The following DNAH17 variants were observed in gnomAD, a reference collection of about 807,000 sequenced individuals.
DNAH17 encodes axonemal beta dynein heavy chain 17.
Under a neutral mutation model 485.6 loss-of-function variants are expected in DNAH17, and 376 were observed. The ratio of observed to expected loss-of-function variants is 0.77; its 90% CI spans 0.71 to 0.84. The LOEUF is 0.84. DNAH17 is among the 40% of genes least tolerant of loss of function. The probability of loss-of-function intolerance (pLI) is 0.00; values close to 1 mark genes in which losing one functional copy is unlikely to be tolerated. For synonymous variants in DNAH17, 3,031 were observed against 2,405.9 expected (o/e 1.26, Z -7.60); for missense variants, 6,370 against 5,839.3 (o/e 1.09, Z -2.96).
rs150313941 is a variant in DNAH17 at position 78,484,175 on chromosome 17, G to A, written c.7649+693C>T. Among the ~76,000 whole-genome samples, 7 of 143,884 alleles carry A rather than the reference G, an allele frequency of 4.9e-5. No individual in the cohort carries two copies. In the East Asian group the frequency reaches 1.3e-3, roughly 26 times the overall value. The allele number at this position is 143,884 out of a possible 152,430, so 94.4% of individuals were successfully genotyped here. A position where few individuals can be genotyped will look rare whatever the true frequency, so the allele number is the denominator to read the frequency against. ...CTTTCCAAACTGCAAACCTAAACGT[G>A]CCACCTTTGGTTTCTCGGTGCCGTT... On this transcript the variant is annotated intron_variant, in intron 48 of 80. Coordinates refer to ENST00000389840, the MANE Select transcript of DNAH17 (RefSeq NM_173628.4).
intron 17 of DNAH17, 70 bp from the exon 18 acceptor site, chr17:78,539,950 TGCCTCTCTGGACC>T (rs1414223417): frequency 7.6e-6 from 11 of 1,450,746 alleles, no homozygotes; most frequent in Non-Finnish European, 1.0e-5. Flanking sequence ...CACTGTTTAG[TGCCTCTCTGGACC>T]GCCCGTCCAT....
intron 38 of DNAH17, 80 bp downstream of exon 38, chr17:78,495,795 C>T: frequency 6.6e-7 from 1 of 1,521,574 alleles, no homozygotes; most frequent in Non-Finnish European, 8.9e-7. Context: ...CCCCTCCCCT[C>T]TGCCCACTCC....
chr17:78,533,523 C>T (rs1046742361), intron 19 of DNAH17, among the ~76,000 whole-genome samples: 3 of 152,250 alleles, frequency 2.0e-5, no homozygotes, highest in Admixed American at 1.3e-4. Flanking sequence ...GCACGAGAGG[C>T]CAGTGCTATA....
At chr17:78,564,712 C>T (rs555414194) in intron 11 of DNAH17, among the ~76,000 whole-genome samples, 4 of 152,314 alleles carry the variant, frequency 2.6e-5, no homozygotes, top group Non-Finnish European at 4.4e-5. Context: ...TACTCAGAAG[C>T]GCCTGCCCTG....
intron 44 of DNAH17, among the ~76,000 whole-genome samples, chr17:78,488,715 C>G (rs114666289): frequency 0.016 from 2,423 of 152,254 alleles, 58 homozygotes; most frequent in African/African-American, 0.056. Flanking sequence ...CAGATGTCAT[C>G]AAGGATCTTG....
At chr17:78,424,915 C>A in intron 80 of DNAH17, 1 of 161,096 alleles carries the variant, frequency 6.2e-6, no homozygotes, top group Non-Finnish European at 1.4e-5. Context: ...CCCTGTGTTC[C>A]AGGAGTGGCA....
At chr17:78,472,087 C>A (rs901383013) in intron 54 of DNAH17, among the ~76,000 whole-genome samples, 1 of 152,200 alleles carries the variant, frequency 6.6e-6, no homozygotes, top group Non-Finnish European at 1.5e-5. Flanking sequence ...CGTCTAGGGA[C>A]CAGCCATTAA....
Position 78,490,721 on chromosome 17 carries a change from G to T in DNAH17, c.6796C>A (p.Pro2266Thr). Reference sequence around the variant, plus strand: ...CACGGGTTCCATCCCAGGTCGGCTGGGTTGATGTAGAGGATGCCGGCTCTG... The same window carrying T: ...CACGGGTTCCATCCCAGGTCGGCTGTGTTGATGTAGAGGATGCCGGCTCTG... ...VSRAGILYIN[P>T]ADLGWNPVVS... The change falls in exon 44 of 81, where the codon CCA (proline) becomes ACA (threonine). Residue 2266 changes from proline to threonine, a missense_variant. Pro to Thr is a conservative substitution (Grantham distance 38). Coordinates refer to ENST00000389840, the MANE Select transcript of DNAH17 (RefSeq NM_173628.4). The T allele has an allele frequency of 6.2e-7, 1 of 1,608,468 alleles. No homozygotes were observed. The highest frequency in any genetic ancestry group is 8.5e-7 in the Non-Finnish European group (1 of 1,177,462).
At chr17:78,469,395 C>A (rs2088643174) in intron 54 of DNAH17, among the ~76,000 whole-genome samples, 1 of 152,224 alleles carries the variant, frequency 6.6e-6, no homozygotes, top group African/African-American at 2.4e-5. Flanking sequence ...CCCGCCTCGG[C>A]CTCCCAAAGT....
Position 78,492,736 on chromosome 17 carries a change from C to A in DNAH17, c.6438G>T (p.Gln2146His). 1 of 1,612,498 alleles carries A rather than the reference C, an allele frequency of 6.2e-7. No homozygotes were observed. The change falls in exon 42 of 81, where the codon CAG becomes CAT. Residue 2146 changes from glutamine to histidine, a missense_variant. Transcript: ENST00000389840. ...QVLKSLNKTY[Q>H]NLKRKPVAVD... ...CGGCGACCGGCTTCCTCTTCAGGTT[C>A]TGATAGGTCTTGTTGAGGGATTTGA...
At chr17:78,458,736 C>G in intron 61 of DNAH17, 56 bp from the exon 62 acceptor site, 1 of 1,478,334 alleles carries the variant, frequency 6.8e-7, no homozygotes, top group Non-Finnish European at 9.5e-7. Context: ...CTCTAGCCCC[C>G]TGCAGCGGCA....
intron 25 of DNAH17, among the ~76,000 whole-genome samples, chr17:78,517,023 G>A (rs1485571471): frequency 6.6e-6 from 1 of 152,150 alleles, no homozygotes; most frequent in Non-Finnish European, 1.5e-5. Context: ...CTTTTGGAGG[G>A]GAGGAAGATT....
intron 15 of DNAH17, among the ~76,000 whole-genome samples, chr17:78,552,175 C>T (rs926122211): frequency 6.6e-6 from 1 of 152,144 alleles, no homozygotes; most frequent in African/African-American, 2.4e-5. Context: ...ACCCTTCACC[C>T]CACGTAGGAG....
chr17:78,428,573 T>C lies in DNAH17; in HGVS notation c.12540A>G (p.Pro4180=), dbSNP rs777328199. The part of the protein sequence containing the change: ...KLFRTVLEMQ[P]KETDSGAGTG... ...TGCCTGCCCCCGAGTCCGTCTCTTT[T>C]GGCTGCATTTCCAGGACAGTGCGGA... Residue 4180 remains proline (P), a synonymous_variant, in exon 77 of 81, where the codon CCA becomes CCG. Coordinates refer to ENST00000389840, the MANE Select transcript of DNAH17 (RefSeq NM_173628.4). 10 of 1,613,922 alleles carry C rather than the reference T, an allele frequency of 6.2e-6. No homozygotes were observed. The highest frequency in any genetic ancestry group is 1.6e-4 in the Middle Eastern group (1 of 6,062).
chr17:78,480,465 G>A (rs1171802365), intron 49 of DNAH17, among the ~76,000 whole-genome samples: 1 of 152,164 alleles, frequency 6.6e-6, no homozygotes, highest in Admixed American at 6.6e-5. Context: ...AATTTTATTT[G>A]CTAACTCTGC....
intron 17 of DNAH17, among the ~76,000 whole-genome samples, chr17:78,543,240 G>A (rs978723214): frequency 2.6e-5 from 4 of 151,454 alleles, no homozygotes; most frequent in Admixed American, 1.3e-4. Context: ...TCAGCCTCCC[G>A]AGTAGCTGGG....
At chr17:78,513,329 A>G (rs934007703) in intron 26 of DNAH17, among the ~76,000 whole-genome samples, 6 of 152,140 alleles carry the variant, frequency 3.9e-5, no homozygotes, top group African/African-American at 1.4e-4. Flanking sequence ...AAATCGCAGT[A>G]TTTTACCCCA....
At chr17:78,425,859 G>C (rs973848851) in intron 79 of DNAH17, among the ~76,000 whole-genome samples, 1 of 148,168 alleles carries the variant, frequency 6.7e-6, no homozygotes, top group Non-Finnish European at 1.5e-5. Context: ...TCCGCCTCCC[G>C]GGTTCAAGCA....
rs1374854130 is a variant in DNAH17 at position 78,544,139 on chromosome 17, C to T, written c.2392-142G>A. On this transcript the variant is annotated intron_variant, in intron 16 of 80. Coordinates refer to ENST00000389840, the MANE Select transcript of DNAH17 (RefSeq NM_173628.4). ...AGTCTAGTTCTCCACGATCCATGCC[C>T]ATCAGGGGCTACTAAGGACCTGTGC... 12 of 1,216,900 alleles carry T rather than the reference C, an allele frequency of 9.9e-6. No homozygotes were observed. The East Asian group carries it at 2.5e-4, about 25-fold the overall frequency. 75.4% of individuals were successfully genotyped at this position (1,216,900 alleles called of 1,614,324 possible).
Sources: allele counts gnomAD v4.1 joint callset (sites outside exome capture counted in the v4.1 genomes callset), GRCh38; gene constraint gnomAD v4.1.1; transcripts MANE v1.5; gene names NCBI Gene and HGNC (gene_info 2026-07-23, HGNC 2026-07-21).